Variants in ADCY1 observed in about 807,000 individuals in gnomAD.
ADCY1 encodes the protein adenylate cyclase type 1.
In ADCY1, 28 loss-of-function variants were observed where a neutral mutation model predicts 105.4. That is an observed-to-expected ratio of 0.27 (90% CI 0.20 to 0.36). The LOEUF is 0.36. ADCY1 is among the 10% of genes least tolerant of loss of function. The pLI, the probability that ADCY1 is intolerant of heterozygous loss-of-function variation, is 1.00. For missense variants in ADCY1, 977 were observed against 1,434.2 expected, an observed-to-expected ratio of 0.68 and a Z score of 5.15; for synonymous variants, 655 against 623.8, an observed-to-expected ratio of 1.05 and a Z score of -0.75.
At chr7:45,625,562 A>G (rs1794031700) in intron 4 of ADCY1, among the ~76,000 whole-genome samples, 2 of 152,004 alleles carry the variant, frequency 1.3e-5, no homozygotes, top group Non-Finnish European at 2.9e-5. Flanking sequence ...TGTGCCTGCA[A>G]ATGCATATGT....
intron 14 of ADCY1, among the ~76,000 whole-genome samples, chr7:45,688,668 G>A (rs1156675447): frequency 3.9e-5 from 6 of 152,112 alleles, no homozygotes; most frequent in Non-Finnish European, 8.8e-5. Context: ...CTGTCTATAT[G>A]TGTATCTATA....
chr7:45,664,339 G>T (rs1795210782), intron 8 of ADCY1: 3 of 1,535,966 alleles, frequency 2.0e-6, no homozygotes, highest in Middle Eastern at 3.3e-4. Flanking sequence ...TGGGGTTTTG[G>T]TCTCCCACCC....
chr7:45,689,531 C>A (rs980259307), intron 14 of ADCY1, among the ~76,000 whole-genome samples: 11 of 152,240 alleles, frequency 7.2e-5, no homozygotes, highest in African/African-American at 2.6e-4. Context: ...TTTAAAACAA[C>A]TGGATCTTGC....
intron 8 of ADCY1, among the ~76,000 whole-genome samples, chr7:45,670,928 A>C (rs1784352095): frequency 7.2e-5 from 11 of 152,240 alleles, no homozygotes; most frequent in Admixed American, 7.2e-4. Context: ...ACCAGGGAGC[A>C]GTTGGCACTG....
At chr7:45,672,603 C>A (rs909121004) in intron 8 of ADCY1, among the ~76,000 whole-genome samples, 1 of 151,794 alleles carries the variant, frequency 6.6e-6, no homozygotes, top group African/African-American at 2.4e-5. Context: ...TATTGGTCTT[C>A]CTTTTTTCAT....
intron 2 of ADCY1, among the ~76,000 whole-genome samples, chr7:45,594,844 C>A (rs1793027691): frequency 6.6e-6 from 1 of 152,106 alleles, no homozygotes; most frequent in African/African-American, 2.4e-5. Context: ...CAGCCAAATG[C>A]TATTTAGTGT....
chr7:45,704,687 G>T, intron 17 of ADCY1, 71 bp downstream of exon 17: 1 of 1,272,164 alleles, frequency 7.9e-7, no homozygotes, highest in Non-Finnish European at 1.1e-6. Flanking sequence ...CTGGGACCCT[G>T]GGTAGCTTCC....
At chr7:45,668,471 G>A (rs1367481429) in intron 8 of ADCY1, among the ~76,000 whole-genome samples, 2 of 152,200 alleles carry the variant, frequency 1.3e-5, no homozygotes, top group Admixed American at 6.5e-5. Flanking sequence ...GCATCCCAGG[G>A]ATGAAGCCCA....
intron 3 of ADCY1, among the ~76,000 whole-genome samples, chr7:45,619,318 A>G (rs1793826776): frequency 1.3e-5 from 2 of 152,164 alleles, no homozygotes; most frequent in African/African-American, 4.8e-5. Context: ...TGACTATAGT[A>G]AACAATAATT....
intron 5 of ADCY1, among the ~76,000 whole-genome samples, chr7:45,654,838 A>C (rs140251473): frequency 1.8e-3 from 272 of 152,310 alleles, no homozygotes; most frequent in Admixed American, 3.5e-3. Flanking sequence ...TAGATCGAGA[A>C]GCTGCATTTT....
chr7:45,684,896 T>C, intron 11 of ADCY1, 83 bp from the exon 12 acceptor site: 1 of 1,262,402 alleles, frequency 7.9e-7, no homozygotes, highest in Non-Finnish European at 1.2e-6. Flanking sequence ...CATCTGCACA[T>C]TCCACTATAG....
Position 45,715,646 on chromosome 7 carries a change from T to A in ADCY1, c.*1651T>A, listed in dbSNP as rs1271746261. On this transcript the variant is annotated 3_prime_UTR_variant, in exon 20 of 20. Transcript: ENST00000297323. ...AGGGAGGGGCTGATCCTGCCTCAGC[T>A]GTGTGGCCATGTGGGGGCAGCAGGG... is the stretch of plus-strand genomic sequence containing the variant. 6.6e-6 allele frequency: 1 copy of A among 152,604 alleles called. No individual in the cohort carries two copies. Among genetic ancestry groups the A allele is most frequent in the Non-Finnish European group, 1.5e-5 (1 of 68,362 alleles). The allele number at this position is 152,604 out of a possible 1,614,324, so 9.5% of individuals were successfully genotyped here.
At chr7:45,594,562 C>G (rs1005150300) in intron 2 of ADCY1, among the ~76,000 whole-genome samples, 13 of 152,230 alleles carry the variant, frequency 8.5e-5, no homozygotes, top group African/African-American at 2.9e-4. Context: ...TTTCCTACTT[C>G]TGTGTTGGTC....
intron 2 of ADCY1, among the ~76,000 whole-genome samples, chr7:45,598,092 T>C (rs999824614): frequency 6.6e-6 from 1 of 152,240 alleles, no homozygotes; most frequent in Non-Finnish European, 1.5e-5. Flanking sequence ...GTCAGATCTC[T>C]TTAAAATTAA....
chr7:45,639,798 G>A (rs1183160530), intron 4 of ADCY1, among the ~76,000 whole-genome samples: 1 of 152,180 alleles, frequency 6.6e-6, no homozygotes, highest in Non-Finnish European at 1.5e-5. Context: ...AGTGTGGTGA[G>A]GTTAGACAAC....
At chr7:45,615,011 C>T (rs111792927) in intron 3 of ADCY1, among the ~76,000 whole-genome samples, 81 of 152,228 alleles carry the variant, frequency 5.3e-4, no homozygotes, top group African/African-American at 1.8e-3. Flanking sequence ...TTTAATAACA[C>T]TATAGACTAA....
chr7:45,694,258 A>G (rs985496561), intron 14 of ADCY1, among the ~76,000 whole-genome samples: 1 of 152,222 alleles, frequency 6.6e-6, no homozygotes, highest in African/African-American at 2.4e-5. Context: ...AAGAAATTCA[A>G]AAGGATTCAA....
chr7:45,658,323 T>C lies in ADCY1; in HGVS notation c.1307+438T>C, dbSNP rs551717151. ...AAGCTCCACACAGCCATCTAGGAGC[T>C]CATGGACATCTGGGTCACAGATGAT... is the stretch of plus-strand genomic sequence containing the variant. On this transcript the variant is annotated intron_variant, in intron 6 of 19. Transcript: ENST00000297323. Among the ~76,000 whole-genome samples the C allele has an allele frequency of 5.9e-4, 90 of 152,338 alleles. 1 individual carries two copies. The highest frequency in any genetic ancestry group is 2.0e-3 in the African/African-American group (84 of 41,578).
chr7:45,605,540 C>G (rs1793350605), intron 2 of ADCY1, among the ~76,000 whole-genome samples: 1 of 150,078 alleles, frequency 6.7e-6, no homozygotes, highest in Non-Finnish European at 1.5e-5. Context: ...TTGTCAAATT[C>G]TTTTTTGGTA....
Sources: allele counts gnomAD v4.1 joint callset (sites outside exome capture counted in the v4.1 genomes callset), GRCh38; gene constraint gnomAD v4.1.1; transcripts MANE v1.5; gene names NCBI Gene and HGNC (gene_info 2026-07-23, HGNC 2026-07-21).